TRIM42: variants seen among roughly 807,000 people sequenced by gnomAD.
The protein encoded by TRIM42 is tripartite motif containing 42, also known as tripartite motif-containing protein 42.
TRIM42 carries 59 observed loss-of-function variants against 64.9 expected under a neutral mutation model. The ratio of observed to expected loss-of-function variants is 0.91; its 90% CI spans 0.74 to 1.13. The LOEUF (loss-of-function observed/expected upper bound fraction) is 1.13. TRIM42 is among the 50% of genes most tolerant of loss of function. TRIM42 has a pLI of 0.00. For missense variants in TRIM42, 878 were observed against 929.5 expected (o/e 0.94, Z 0.72); for synonymous variants, 354 against 346.3 (o/e 1.02, Z -0.25).
rs573507777 is a variant in TRIM42 at position 140,688,091 on chromosome 3, A to G, written c.1409A>G (p.His470Arg). The change falls in exon 3 of 5, where the codon CAC becomes CGC. Residue 470 changes from histidine (H) to arginine (R), a missense_variant. By Grantham distance (29) the His-to-Arg change is conservative. Coordinates refer to ENST00000286349, the MANE Select transcript of TRIM42 (RefSeq NM_152616.5). ...AGGCCTGACCCACAGCTCCGGCTGC[A>G]CTCAATAAACTACGTGCCCTTGGAC... is the stretch of plus-strand genomic sequence containing the variant. ...TYRPDPQLRL[H>R]SINYVPLDFV... is the part of the protein sequence containing the mutation. 2 of 1,613,966 alleles carry G rather than the reference A, an allele frequency of 1.2e-6. No individual in the cohort carries two copies. Among genetic ancestry groups the G allele is most frequent in the Non-Finnish European group, 1.7e-6 (2 of 1,179,872 alleles).
intron 1 of TRIM42, among the ~76,000 whole-genome samples, chr3:140,679,885 C>T (rs920887420): frequency 6.9e-6 from 1 of 145,788 alleles, no homozygotes; most frequent in Non-Finnish European, 1.5e-5. Context: ...CCCCACCCCC[C>T]CAAACATTGA....
At position 140,682,811 on chromosome 3, in the gene TRIM42, C is replaced by G. The variant is rs201398114; in HGVS notation, c.691C>G (p.Arg231Gly). Reference protein sequence around the residue: ...EHGYLKWRFDRSSGPILCQVC... With the variant: ...EHGYLKWRFDGSSGPILCQVC... ...CGGCTACCTCAAGTGGCGCTTTGAC[C>G]GCTCCTCCGGGCCCATCCTCTGCCA... is the stretch of plus-strand genomic sequence containing the variant. Residue 231 changes from arginine to glycine, a missense_variant, in exon 2 of 5, where the codon CGC becomes GGC. Coordinates refer to ENST00000286349, the MANE Select transcript of TRIM42 (RefSeq NM_152616.5). The G allele has an allele frequency of 3.1e-6, 5 of 1,614,026 alleles. No individual in the cohort carries two copies. In the East Asian group the frequency reaches 8.9e-5, roughly 29 times the overall value.
intron 3 of TRIM42, among the ~76,000 whole-genome samples, chr3:140,690,692 A>G (rs1317560011): frequency 6.6e-6 from 1 of 150,866 alleles, no homozygotes; most frequent in Admixed American, 6.6e-5. Context: ...ATTTTTCGGT[A>G]TTTTTCAAGC....
At chr3:140,688,683 T>C in intron 3 of TRIM42, 141 bp downstream of exon 3, 1 of 645,618 alleles carries the variant, frequency 1.5e-6, no homozygotes, top group Non-Finnish European at 2.6e-6. Flanking sequence ...CTCTTTGTGG[T>C]CATCCCATTC....
At chr3:140,679,512 T>A (rs1443537661) in intron 1 of TRIM42, among the ~76,000 whole-genome samples, 1 of 152,184 alleles carries the variant, frequency 6.6e-6, no homozygotes, top group Non-Finnish European at 1.5e-5. Context: ...GGAAAAGCAA[T>A]TCTGTGAGCA....
intron 2 of TRIM42, 124 bp downstream of exon 2, chr3:140,683,283 C>A: frequency 5.0e-6 from 5 of 1,001,128 alleles, no homozygotes; most frequent in Non-Finnish European, 7.4e-6. Flanking sequence ...ATCAAGGCAC[C>A]AGGAAACACT....
At chr3:140,680,723 C>A in intron 1 of TRIM42, 3 of 985,204 alleles carry the variant, frequency 3.0e-6, no homozygotes, top group Non-Finnish European at 3.6e-6. Flanking sequence ...GTGAGAACAT[C>A]GAGGCCAGCA....
chr3:140,700,316 A>G (rs1030882475), intron 4 of TRIM42, among the ~76,000 whole-genome samples: 6 of 152,208 alleles, frequency 3.9e-5, no homozygotes, highest in Non-Finnish European at 8.8e-5. Flanking sequence ...TTCTGCTAGC[A>G]TCAAAGGAAA....
chr3:140,700,227 T>C (rs560873080), intron 4 of TRIM42, among the ~76,000 whole-genome samples: 4 of 152,218 alleles, frequency 2.6e-5, no homozygotes, highest in Admixed American at 6.5e-5. Context: ...AGGGTTCTTC[T>C]TACCCCTCGT....
intron 1 of TRIM42, among the ~76,000 whole-genome samples, chr3:140,681,638 G>A (rs1432248242): frequency 2.5e-5 from 3 of 119,806 alleles, no homozygotes; most frequent in Non-Finnish European, 5.9e-5. Context: ...TAATGTCAAT[G>A]TCCTCCAGGA....
chr3:140,680,208 C>G (rs1988338314), intron 1 of TRIM42, among the ~76,000 whole-genome samples: 2 of 152,094 alleles, frequency 1.3e-5, no homozygotes, highest in African/African-American at 2.4e-5. Flanking sequence ...GGAGGATGGG[C>G]AGGGATGCTA....
intron 3 of TRIM42, 54 bp from the exon 4 acceptor site, chr3:140,690,914 G>T: frequency 7.0e-7 from 1 of 1,436,240 alleles, no homozygotes; most frequent in Middle Eastern, 1.8e-4. Context: ...TTAAGGGAAA[G>T]AAAGCTGAAT....
In TRIM42 at chr3:140,678,332, C is replaced by A; in HGVS notation, c.103C>A (p.Arg35=). Residue 35 remains arginine (R), a synonymous_variant, in exon 1 of 5, where the codon CGG becomes AGG. Coordinates refer to ENST00000286349, the MANE Select transcript of TRIM42 (RefSeq NM_152616.5). ...LCCKFIFTSE[R]NCTCFPCPYK... ...CTGCAAGTTCATCTTCACCTCAGAG[C>A]GGAACTGCACCTGCTTCCCCTGCCC... The A allele has an allele frequency of 1.2e-6, 2 of 1,614,180 alleles. No individual in the cohort carries two copies. The highest frequency in any genetic ancestry group is 1.7e-6 in the Non-Finnish European group (2 of 1,180,020).
intron 4 of TRIM42, among the ~76,000 whole-genome samples, chr3:140,698,698 G>C (rs188121403): frequency 1.3e-5 from 2 of 152,148 alleles, no homozygotes; most frequent in African/African-American, 4.8e-5. Flanking sequence ...TTAGAATAAA[G>C]ACTATTTCTG....
chr3:140,686,782 TC>T (rs1988555217), intron 2 of TRIM42, among the ~76,000 whole-genome samples: 1 of 152,200 alleles, frequency 6.6e-6, no homozygotes, highest in Admixed American at 6.5e-5. Context: ...AGGGTGACAT[TC>T]TTCAAATTGC....
chr3:140,696,913 G>A (rs542345783), intron 4 of TRIM42, among the ~76,000 whole-genome samples: 2 of 152,086 alleles, frequency 1.3e-5, no homozygotes, highest in Middle Eastern at 3.4e-3. Flanking sequence ...GGTGCAATTC[G>A]CCCCATATTA....
At chr3:140,690,781 T>C (rs1988688287) in intron 3 of TRIM42, among the ~76,000 whole-genome samples, 187 bp from the exon 4 acceptor site, 1 of 151,862 alleles carries the variant, frequency 6.6e-6, no homozygotes, top group South Asian at 2.1e-4. Flanking sequence ...ATTACAACCA[T>C]CATGCCAGGC....
Position 140,688,020 on chromosome 3 carries a change from CA to C in TRIM42, c.1340del (p.Lys447ArgfsTer26). ...TGQVAFLQSA[K>X]ILVDQIEDGI... ...GCCAGGTGGCATTCCTGCAGTCAGCCAAGATCCTGGTGGACCAGATCGAGGA... is the reference window on the plus strand; with the variant it reads ...GCCAGGTGGCATTCCTGCAGTCAGCCAGATCCTGGTGGACCAGATCGAGGA... On this transcript the variant is annotated frameshift_variant, in exon 3 of 5. Coordinates refer to ENST00000286349, the MANE Select transcript of TRIM42 (RefSeq NM_152616.5). LOFTEE classifies it high-confidence loss of function. The C allele has an allele frequency of 6.2e-7, 1 of 1,614,168 alleles. No homozygotes were observed. The highest frequency in any genetic ancestry group is 8.5e-7 in the Non-Finnish European group (1 of 1,180,026).
intron 3 of TRIM42, 22 bp downstream of exon 3, chr3:140,688,564 G>A: frequency 6.4e-7 from 1 of 1,571,646 alleles, no homozygotes; most frequent in Non-Finnish European, 8.7e-7. Flanking sequence ...TCTGGGCCCA[G>A]TGGGGAAGTG....
Sources: gnomAD v4.1 joint callset for allele counts (sites outside exome capture counted in the v4.1 genomes callset) on GRCh38, gnomAD v4.1.1 for gene constraint, MANE v1.5 for transcripts, NCBI Gene and HGNC (gene_info 2026-07-23, HGNC 2026-07-21) for gene names.